The following ARHGAP22 variants were observed in gnomAD, a reference collection of about 807,000 sequenced individuals.
ARHGAP22 encodes Rho GTPase activating protein 22.
ARHGAP22 carries 48 observed loss-of-function variants against 59.1 expected under a neutral mutation model. That is an observed-to-expected ratio of 0.81 (90% CI 0.64 to 1.03). The LOEUF (loss-of-function observed/expected upper bound fraction) is 1.03, where lower values mean the gene tolerates loss of function less well. Ranked by LOEUF, ARHGAP22 falls within the 50% of genes least tolerant of loss-of-function variation. The probability of loss-of-function intolerance (pLI) is 0.00; values close to 1 mark genes in which losing one functional copy is unlikely to be tolerated. For missense variants in ARHGAP22, 1,015 were observed against 958.7 expected (o/e 1.06, Z -0.78); for synonymous variants, 445 against 416.4 (o/e 1.07, Z -0.84).
In ARHGAP22 at chr10:48,641,186, A is replaced by G. The variant is rs71500240; in HGVS notation, c.52+11048T>C. 1.6e-3 allele frequency among the ~76,000 whole-genome samples: 239 copies of G among 152,306 alleles called. 1 individual carries two copies. Among genetic ancestry groups the G allele is most frequent in the African/African-American group, 5.4e-3 (225 of 41,582 alleles). On this transcript the variant is annotated intron_variant, in intron 1 of 9. Transcript: ENST00000435790. ...AAGAGGGTAAAAGAAAAACAGGAAC[A>G]AAAAAGAGAAGACATACATAAAACA...
the ARHGAP22 span, among the ~76,000 whole-genome samples, chr10:48,440,372 A>T: frequency 6.6e-6 from 1 of 152,240 alleles, no homozygotes; most frequent in Non-Finnish European, 1.5e-5. Context: ...GTGACATAGA[A>T]GTGTGCCAGA....
chr10:48,449,320 C>A (rs2045663942), intron 9 of ARHGAP22, among the ~76,000 whole-genome samples: 1 of 152,206 alleles, frequency 6.6e-6, no homozygotes, highest in Non-Finnish European at 1.5e-5. Flanking sequence ...ATGGCAGAGG[C>A]CTCTGCCCTC....
At chr10:48,526,291 A>G (rs780230749) in intron 3 of ARHGAP22, among the ~76,000 whole-genome samples, 4 of 152,338 alleles carry the variant, frequency 2.6e-5, no homozygotes, top group Non-Finnish European at 5.9e-5. Context: ...TCTTCATTCA[A>G]AGGAGAGATT....
chr10:48,577,925 C>T (rs1225349841), intron 2 of ARHGAP22, among the ~76,000 whole-genome samples: 1 of 145,892 alleles, frequency 6.9e-6, no homozygotes, highest in African/African-American at 2.5e-5. Flanking sequence ...TCTCCTGTCT[C>T]AGCCTCCCGA....
intron 2 of ARHGAP22, among the ~76,000 whole-genome samples, chr10:48,567,955 A>G (rs575706312): frequency 3.3e-5 from 5 of 152,266 alleles, no homozygotes; most frequent in Non-Finnish European, 7.3e-5. Context: ...TCACCTGGCC[A>G]CATGAACAAA....
intron 3 of ARHGAP22, among the ~76,000 whole-genome samples, chr10:48,501,282 C>T (rs1275448634): frequency 1.3e-5 from 2 of 152,150 alleles, no homozygotes; most frequent in African/African-American, 4.8e-5. Context: ...CTGGCTTGTG[C>T]CTTCTGATAG....
At chr10:48,627,159 G>A (rs1455871477) in intron 1 of ARHGAP22, among the ~76,000 whole-genome samples, 2 of 152,178 alleles carry the variant, frequency 1.3e-5, no homozygotes, top group Admixed American at 6.5e-5. Flanking sequence ...CGCATTTCCT[G>A]CAGCAGGCTG....
chr10:48,556,921 C>A (rs1209920052), intron 2 of ARHGAP22, among the ~76,000 whole-genome samples: 2 of 152,174 alleles, frequency 1.3e-5, no homozygotes, highest in Non-Finnish European at 2.9e-5. Context: ...ATTTTCCAGG[C>A]AAATCCTGGC....
chr10:48,595,759 ATCC>A (rs1193476605), intron 1 of ARHGAP22, among the ~76,000 whole-genome samples: 1 of 152,040 alleles, frequency 6.6e-6, no homozygotes, highest in Non-Finnish European at 1.5e-5. Context: ...GCCTCAAGTA[ATCC>A]TCCTGCCTCG....
rs567651393 is a variant in ARHGAP22, at chr10:48,625,450, C to T, written c.52+26784G>A. On this transcript the variant is annotated intron_variant, in intron 1 of 9. Coordinates refer to the ARHGAP22 transcript ENST00000435790. ...GGTCTGTAAGGTGCTCTAGGACTTC[C>T]ACCCTAATCATGCATAAGGCTGCCC... 4.6e-5 allele frequency among the ~76,000 whole-genome samples: 7 copies of T among 152,182 alleles called. 1 individual carries two copies. Among genetic ancestry groups the T allele is most frequent in the South Asian group, 4.2e-4 (2 of 4,818 alleles).
chr10:48,454,968 C>T, intron 6 of ARHGAP22, 34 bp downstream of exon 6: 13 of 1,541,216 alleles, frequency 8.4e-6, no homozygotes, highest in Non-Finnish European at 1.1e-5. Flanking sequence ...CCAGCCAGCC[C>T]ATCTCCCAGG....
chr10:48,445,266 GCTCTGGTGACCA>G (rs964959510), downstream of ARHGAP22: 33 of 152,472 alleles, frequency 2.2e-4, no homozygotes, highest in Admixed American at 2.2e-3. Context: ...GAAACTGGGC[GCTCTGGTGACCA>G]CTGCTCCCTG....
At chr10:48,502,792 G>A (rs1007960229) in intron 3 of ARHGAP22, among the ~76,000 whole-genome samples, 1 of 152,174 alleles carries the variant, frequency 6.6e-6, no homozygotes, top group Admixed American at 6.5e-5. Flanking sequence ...TCTACCATGT[G>A]CCAGACACTG....
chr10:48,462,277 G>C (rs1441832004), intron 4 of ARHGAP22, among the ~76,000 whole-genome samples: 1 of 150,946 alleles, frequency 6.6e-6, no homozygotes, highest in Non-Finnish European at 1.5e-5. Context: ...TGTGAGGAGA[G>C]TGCCGAAGTA....
chr10:48,434,854 T>A, the ARHGAP22 span: 1 of 1,581,840 alleles, frequency 6.3e-7, no homozygotes, highest in Non-Finnish European at 8.6e-7. Context: ...TGTCTGCAAC[T>A]GATTTGCTGT....
chr10:48,594,410 T>C (rs764956266), intron 1 of ARHGAP22, among the ~76,000 whole-genome samples: 11 of 152,182 alleles, frequency 7.2e-5, no homozygotes, highest in African/African-American at 9.7e-5. Flanking sequence ...TCAGTGAGGG[T>C]GTGTGGATCA....
intron 1 of ARHGAP22, among the ~76,000 whole-genome samples, chr10:48,650,513 T>G (rs542777344): frequency 6.6e-6 from 1 of 152,328 alleles, no homozygotes; most frequent in East Asian, 1.9e-4. Context: ...ACATCATGAA[T>G]GTATGAATTG....
intron 1 of ARHGAP22, among the ~76,000 whole-genome samples, chr10:48,591,608 G>A (rs967432317): frequency 3.9e-5 from 6 of 152,084 alleles, no homozygotes; most frequent in Non-Finnish European, 5.9e-5. Flanking sequence ...ACATGTTGGC[G>A]AGGCTGTGAG....
chr10:48,507,898 TG>T (rs1183634557), intron 3 of ARHGAP22, among the ~76,000 whole-genome samples: 1 of 3,696 alleles, frequency 2.7e-4, no homozygotes, highest in Non-Finnish European at 6.0e-4. Context: ...TCGGAAATAC[TG>T]GGGGGTGGGG....
Sources: allele counts gnomAD v4.1 joint callset (sites outside exome capture counted in the v4.1 genomes callset), GRCh38; gene constraint gnomAD v4.1.1; transcripts MANE v1.5; gene names NCBI Gene and HGNC (gene_info 2026-07-23, HGNC 2026-07-21).